The following EPHA7 variants were observed in gnomAD, a reference collection of about 807,000 sequenced individuals.
EPHA7 encodes the protein EPH receptor A7.
A neutral mutation model predicts 112.6 loss-of-function variants in EPHA7; 25 were observed. That is an observed-to-expected ratio of 0.22 (90% confidence interval 0.16 to 0.31). The LOEUF (loss-of-function observed/expected upper bound fraction) is 0.31. Among genes scored for constraint, EPHA7 ranks in the 10% least tolerant of loss-of-function variants. The pLI, the probability that EPHA7 is intolerant of heterozygous loss-of-function variation, is 1.00. For missense variants in EPHA7, 962 were observed against 1,212.6 expected (o/e 0.79, Z 3.07); for synonymous variants, 437 against 406.5 (o/e 1.07, Z -0.90).
At chr6:93,386,821 C>T (rs1417587467) in intron 3 of EPHA7, among the ~76,000 whole-genome samples, 4 of 152,154 alleles carry the variant, frequency 2.6e-5, no homozygotes, top group Admixed American at 6.5e-5. Flanking sequence ...GGCTTGCATC[C>T]TCCAAAGCTA....
At chr6:93,300,974 T>C (rs1241504651) in intron 5 of EPHA7, among the ~76,000 whole-genome samples, 5 of 152,166 alleles carry the variant, frequency 3.3e-5, no homozygotes, top group East Asian at 1.9e-4. Context: ...CTGTAGGCAA[T>C]TGTAACACAA....
At chr6:93,315,917 C>T (rs950803132) in intron 5 of EPHA7, among the ~76,000 whole-genome samples, 16 of 152,250 alleles carry the variant, frequency 1.1e-4, no homozygotes, top group African/African-American at 3.4e-4. Context: ...ACTAGACCCC[C>T]TGGAATATGC....
intron 3 of EPHA7, among the ~76,000 whole-genome samples, chr6:93,398,924 A>T (rs894427951): frequency 3.3e-5 from 5 of 152,126 alleles, no homozygotes; most frequent in Non-Finnish European, 7.4e-5. Context: ...GCAAACTAAA[A>T]CACTGTCTCA....
chr6:93,245,362 A>G lies in EPHA7; in HGVS notation c.2818T>C (p.Tyr940His), dbSNP rs1769899287. 2 of 1,613,612 alleles carry G rather than the reference A, an allele frequency of 1.2e-6. No homozygotes were observed. The highest frequency in any genetic ancestry group is 1.7e-6 in the Non-Finnish European group (2 of 1,179,904). The change falls in exon 16 of 17, where the codon TAT becomes CAT. Residue 940 changes from tyrosine to histidine, a missense_variant. Tyr to His is a moderately conservative substitution (Grantham distance 83, BLOSUM62 2). Coordinates refer to ENST00000369303, the MANE Select transcript of EPHA7 (RefSeq NM_004440.4). ...CCAGCTGCCGTGAAATTATCTTTAT[A>G]TCTTTCCATCTTAATAGCTTGTAGC... ...EWLQAIKMER[Y>H]KDNFTAAGYN...
intron 3 of EPHA7, among the ~76,000 whole-genome samples, chr6:93,377,863 A>G (rs557971881): frequency 6.6e-6 from 1 of 152,142 alleles, no homozygotes; most frequent in Non-Finnish European, 1.5e-5. Flanking sequence ...TCATTCGCTA[A>G]TTCATTCAAG....
intron 3 of EPHA7, among the ~76,000 whole-genome samples, chr6:93,393,861 G>A (rs552705709): frequency 2.0e-5 from 3 of 151,656 alleles, no homozygotes; most frequent in South Asian, 2.1e-4. Flanking sequence ...CTTTGAATGA[G>A]GTTTCTGAAA....
rs1301647844 is a variant in EPHA7 at position 93,246,959 on chromosome 6, A to G, written c.2559T>C (p.Tyr853=). The change falls in exon 15 of 17, where the codon TAT becomes TAC. Residue 853 remains tyrosine, a synonymous_variant. Coordinates refer to ENST00000369303, the MANE Select transcript of EPHA7 (RefSeq NM_004440.4). ...GGCAGTCCATGGGTGCTGGTAAACG[A>G]TAACCTTCTTCTATTGCTTTTATAA... The part of the protein sequence containing the change: ...QDVIKAIEEG[Y]RLPAPMDCPA... 2 of 1,602,454 alleles carry G rather than the reference A, an allele frequency of 1.2e-6. No individual in the cohort carries two copies. The highest frequency in any genetic ancestry group is 1.7e-6 in the Non-Finnish European group (2 of 1,170,846).
At chr6:93,291,767 C>CAAAAAAAAAAAA (rs66483422) in intron 5 of EPHA7, among the ~76,000 whole-genome samples, 10 of 71,658 alleles carry the variant, frequency 1.4e-4, no homozygotes, top group African/African-American at 4.1e-4. Flanking sequence ...GACTCCGTCT[C>CAAAAAAAAAAAA]AAAAAAAAAA....
chr6:93,367,661 G>A (rs900039970), intron 3 of EPHA7, among the ~76,000 whole-genome samples: 2 of 151,958 alleles, frequency 1.3e-5, no homozygotes, highest in African/African-American at 2.4e-5. Flanking sequence ...CTCCTAGTAC[G>A]TATTCACTGT....
Position 93,418,227 on chromosome 6 carries a change from GA to G in EPHA7, c.97+1017del, listed in dbSNP as rs1171575662. Among the ~76,000 whole-genome samples, 5 of 152,138 alleles carry G rather than the reference GA, an allele frequency of 3.3e-5. 1 individual carries two copies. Among genetic ancestry groups the G allele is most frequent in the Admixed American group, 3.3e-4 (5 of 15,286 alleles). On this transcript the variant is annotated intron_variant, in intron 1 of 16. Transcript: ENST00000369303. ...TGCTCAAAAGCAAGAGACTTCCATT[GA>G]CAGGGTTTATTTTTCCCCAGCTCCA...
At position 93,410,803 on chromosome 6, in the gene EPHA7, A is replaced by G. The variant is rs770996678; in HGVS notation, c.530T>C (p.Leu177Ser). ...GGCAAGATAGAATCCCTTTTTGGAC[A>G]AAGGTCCAATCTCTCTCACCTCAGT... The part of the protein sequence containing the change: ...LNTEVREIGP[L>S]SKKGFYLAFQ... The change falls in exon 3 of 17, where the codon TTG becomes TCG. Residue 177 changes from leucine (L) to serine (S), a missense_variant. This residue lies in a region of EPHA7 where 160 missense variants were observed against 263.6 expected (regional missense o/e 0.61). Coordinates refer to ENST00000369303, the MANE Select transcript of EPHA7 (RefSeq NM_004440.4). The surrounding 1 kb of genome is among the most constrained non-coding windows in gnomAD (Gnocchi z 4.0). The G allele has an allele frequency of 1.7e-5, 27 of 1,614,010 alleles. 1 individual carries two copies. The highest frequency in any genetic ancestry group is 2.3e-5 in the Non-Finnish European group (27 of 1,179,934).
At chr6:93,264,494 A>T (rs1770835230) in intron 8 of EPHA7, 100 bp downstream of exon 8, 2 of 622,688 alleles carry the variant, frequency 3.2e-6, no homozygotes, top group Admixed American at 6.8e-5. Flanking sequence ...GAATGTTTGC[A>T]TTTACTATTT....
chr6:93,386,665 TAGC>T (rs765708653), intron 3 of EPHA7, among the ~76,000 whole-genome samples: 1 of 151,728 alleles, frequency 6.6e-6, no homozygotes, highest in Non-Finnish European at 1.5e-5. Context: ...TGCACTACCC[TAGC>T]AGAGGTTCTC....
intron 3 of EPHA7, among the ~76,000 whole-genome samples, chr6:93,368,485 A>G (rs561756155): frequency 3.9e-5 from 6 of 152,242 alleles, no homozygotes; most frequent in Non-Finnish European, 5.9e-5. Context: ...TGGCAATATA[A>G]GAATATTCTA....
At chr6:93,268,495 TATA>T (rs1488800240) in intron 7 of EPHA7, among the ~76,000 whole-genome samples, 1 of 151,800 alleles carries the variant, frequency 6.6e-6, no homozygotes, top group Non-Finnish European at 1.5e-5. Context: ...AGAAAAGTCA[TATA>T]ATATTTTCCA....
rs984425748 is a variant in EPHA7, at chr6:93,264,536, A to G, written c.1742+58T>C. 58 of 1,130,166 alleles carry G rather than the reference A, an allele frequency of 5.1e-5. No individual in the cohort carries two copies. The Middle Eastern group carries it at 1.0e-3, about 20-fold the overall frequency. 70.0% of individuals were successfully genotyped at this position (1,130,166 alleles called of 1,614,324 possible). On this transcript the variant is annotated intron_variant, in intron 8 of 16. Coordinates refer to ENST00000369303, the MANE Select transcript of EPHA7 (RefSeq NM_004440.4). ...TTATTACACTAAGTAATAGGCTGAC[A>G]TAATTCTTAAAAAACAATACATTTT...
At chr6:93,370,170 CAG>C (rs1357128248) in intron 3 of EPHA7, among the ~76,000 whole-genome samples, 3 of 152,204 alleles carry the variant, frequency 2.0e-5, no homozygotes, top group South Asian at 2.1e-4. Context: ...TCTCTGAACA[CAG>C]GGGAGAAAAG....
intron 14 of EPHA7, among the ~76,000 whole-genome samples, chr6:93,253,577 A>G (rs2127853826): frequency 6.6e-6 from 1 of 152,186 alleles, no homozygotes; most frequent in Non-Finnish European, 1.5e-5. Context: ...TATCATTTCC[A>G]GACTCCTCTG....
Position 93,243,342 on chromosome 6 carries a change from T to C in EPHA7, c.*84A>G. On this transcript the variant is annotated 3_prime_UTR_variant, in exon 17 of 17. Coordinates refer to ENST00000369303, the MANE Select transcript of EPHA7 (RefSeq NM_004440.4). ...GGAAGGACCCAGGACATCACTTGTC[T>C]TCTAGCAGCATTCTATGCATATACT... is the stretch of plus-strand genomic sequence containing the variant. 9.8e-7 allele frequency: 1 copy of C among 1,018,306 alleles called. No individual in the cohort carries two copies. Among genetic ancestry groups the C allele is most frequent in the South Asian group, 1.5e-5 (1 of 68,836 alleles). 63.1% of individuals were successfully genotyped at this position (1,018,306 alleles called of 1,614,324 possible).
Sources: allele counts gnomAD v4.1 joint callset (sites outside exome capture counted in the v4.1 genomes callset), GRCh38; gene constraint gnomAD v4.1.1; regional missense constraint gnomAD v4.1.1; non-coding constraint Gnocchi (gnomAD v3.1); transcripts MANE v1.5; gene names NCBI Gene and HGNC (gene_info 2026-07-23, HGNC 2026-07-21).